Variants in XKR9 observed in about 807,000 individuals in gnomAD.
XKR9 encodes the protein XK related 9, also known as XK-related protein 9.
Under a neutral mutation model 32.0 loss-of-function variants are expected in XKR9, and 32 were observed. That is an observed-to-expected ratio of 1.00 (90% CI 0.76 to 1.34). The LOEUF is 1.34. XKR9 is among the 40% of genes most tolerant of loss of function. XKR9 has a pLI of 0.00. For missense variants in XKR9, 546 were observed against 429.7 expected, an observed-to-expected ratio of 1.27 and a Z score of -2.39; for synonymous variants, 168 against 143.4, an observed-to-expected ratio of 1.17 and a Z score of -1.22.
At chr8:70,875,513 A>AT in the XKR9 span, among the ~76,000 whole-genome samples, 60 of 152,222 alleles carry the variant, frequency 3.9e-4, no homozygotes, top group South Asian at 8.7e-3. Context: ...GTTAGAAATC[A>AT]TTTTTTTATT....
the XKR9 span, among the ~76,000 whole-genome samples, chr8:70,808,211 G>C: frequency 6.6e-6 from 1 of 152,056 alleles, no homozygotes; most frequent in Non-Finnish European, 1.5e-5. Context: ...GAAGTTTTTT[G>C]AAACCAATGA....
intron 2 of XKR9, among the ~76,000 whole-genome samples, chr8:70,769,119 G>A (rs762879500): frequency 4.6e-5 from 7 of 151,972 alleles, no homozygotes; most frequent in Non-Finnish European, 8.8e-5. Context: ...TGTAAGGCAG[G>A]CCTGGTAGTG....
intron 2 of XKR9, among the ~76,000 whole-genome samples, chr8:70,779,124 T>C (rs1003791862): frequency 3.3e-5 from 5 of 152,240 alleles, no homozygotes; most frequent in Admixed American, 3.3e-4. Flanking sequence ...ATATGTTCCA[T>C]CAATACCTAG....
the XKR9 span, among the ~76,000 whole-genome samples, chr8:70,845,782 A>T: frequency 6.6e-6 from 1 of 152,150 alleles, no homozygotes; most frequent in Non-Finnish European, 1.5e-5. Context: ...AATAAAAAAA[A>T]CCAAAGCCCA....
At chr8:70,902,856 T>C in the XKR9 span, among the ~76,000 whole-genome samples, 494 of 152,252 alleles carry the variant, frequency 3.2e-3, 2 homozygotes, top group Non-Finnish European at 5.1e-3. Flanking sequence ...TGAATTTTGT[T>C]GAAGGCCTTT....
the XKR9 span, among the ~76,000 whole-genome samples, chr8:70,968,630 T>G: frequency 2.0e-5 from 3 of 152,196 alleles, no homozygotes; most frequent in Non-Finnish European, 4.4e-5. Flanking sequence ...TTGTGGGGCC[T>G]TTTTTGTTGA....
the XKR9 span, among the ~76,000 whole-genome samples, chr8:70,828,594 C>T: frequency 1.3e-5 from 2 of 151,888 alleles, no homozygotes; most frequent in Non-Finnish European, 2.9e-5. Flanking sequence ...TGCAGTGGCA[C>T]GCACCTGTAA....
the XKR9 span, among the ~76,000 whole-genome samples, chr8:70,847,333 C>G: frequency 6.6e-6 from 1 of 151,828 alleles, no homozygotes; most frequent in Non-Finnish European, 1.5e-5. Context: ...CTATGGGATA[C>G]AGCAAAAGCA....
chr8:70,857,351 T>C, the XKR9 span, among the ~76,000 whole-genome samples: 5 of 152,074 alleles, frequency 3.3e-5, no homozygotes, highest in African/African-American at 7.2e-5. Flanking sequence ...AACACCTCTA[T>C]GCAAATAAAC....
At chr8:70,875,382 C>A in the XKR9 span, among the ~76,000 whole-genome samples, 1 of 152,242 alleles carries the variant, frequency 6.6e-6, no homozygotes. Context: ...ATCAAAATCC[C>A]CTGATATTGA....
chr8:70,687,526 G>A (rs1819344126), intron 3 of XKR9, among the ~76,000 whole-genome samples: 1 of 151,660 alleles, frequency 6.6e-6, no homozygotes, highest in Non-Finnish European at 1.5e-5. Context: ...TGTGCCATCA[G>A]GTCTGGCTAA....
chr8:70,887,072 T>G, the XKR9 span, among the ~76,000 whole-genome samples: 1 of 152,234 alleles, frequency 6.6e-6, no homozygotes, highest in Non-Finnish European at 1.5e-5. Flanking sequence ...CATTTAAGTC[T>G]TTAGTCCATC....
At chr8:70,948,623 A>T in the XKR9 span, among the ~76,000 whole-genome samples, 1 of 152,312 alleles carries the variant, frequency 6.6e-6, no homozygotes, top group East Asian at 1.9e-4. Flanking sequence ...CCGTCTCCTA[A>T]GCTAACCTGA....
At chr8:70,858,168 G>T in the XKR9 span, among the ~76,000 whole-genome samples, 5 of 152,194 alleles carry the variant, frequency 3.3e-5, no homozygotes, top group Non-Finnish European at 5.9e-5. Context: ...AAATGAGGAA[G>T]TCCAATTGTC....
At chr8:70,862,435 A>G in the XKR9 span, among the ~76,000 whole-genome samples, 2 of 151,992 alleles carry the variant, frequency 1.3e-5, no homozygotes, top group Non-Finnish European at 2.9e-5. Context: ...TTATTTTGGT[A>G]TAATACTTAT....
chr8:70,860,327 C>A, the XKR9 span, among the ~76,000 whole-genome samples: 1 of 152,020 alleles, frequency 6.6e-6, no homozygotes, highest in Non-Finnish European at 1.5e-5. Flanking sequence ...CTCTTTATGC[C>A]ATGTGAAGAT....
rs183607218 is a variant in XKR9 at position 70,777,508 on chromosome 8, T to C, written n.353-11831T>C. On this transcript the variant is annotated intron_variant and non_coding_transcript_variant, in intron 2 of 3. Transcript: ENST00000520273. ...TGCTGGGTCAAATGGTATTTCTAGT[T>C]CTAGATCCCTGAGGAATCGCCACAC... Among the ~76,000 whole-genome samples, 1,177 of 152,304 alleles carry C rather than the reference T, an allele frequency of 7.7e-3. 7 individuals are homozygous for C. Among genetic ancestry groups the C allele is most frequent in the Non-Finnish European group, 0.014 (953 of 68,008 alleles).
At chr8:70,815,763 G>C in the XKR9 span, among the ~76,000 whole-genome samples, 1 of 151,938 alleles carries the variant, frequency 6.6e-6, no homozygotes, top group Non-Finnish European at 1.5e-5. Flanking sequence ...CTGACCTTGT[G>C]ATCCACCCAC....
the XKR9 span, among the ~76,000 whole-genome samples, chr8:70,981,421 C>G: frequency 1.3e-5 from 2 of 151,946 alleles, no homozygotes; most frequent in African/African-American, 2.4e-5. Context: ...TCTGCTTGTT[C>G]AGTTCGATTG....
Sources: gnomAD v4.1 joint callset for allele counts (sites outside exome capture counted in the v4.1 genomes callset) on GRCh38, gnomAD v4.1.1 for gene constraint, MANE v1.5 for transcripts, NCBI Gene and HGNC (gene_info 2026-07-23, HGNC 2026-07-21) for gene names.